Variants in DMXL1 observed in about 807,000 individuals in gnomAD.
The protein encoded by DMXL1 is Dmx like 1.
DMXL1 carries 99 observed loss-of-function variants against 319.2 expected under a neutral mutation model. That is an observed-to-expected ratio of 0.31 (90% CI 0.26 to 0.37). The LOEUF is 0.37. Ranked by LOEUF, DMXL1 falls within the 10% of genes least tolerant of loss-of-function variation. The probability of loss-of-function intolerance (pLI) is 1.00; values close to 1 mark genes in which losing one functional copy is unlikely to be tolerated. For synonymous variants in DMXL1, 1,385 were observed against 1,235.2 expected (o/e 1.12, Z -2.54); for missense variants, 3,745 against 3,595.6 (o/e 1.04, Z -1.06).
At chr5:119,101,469 G>A (rs1387266973) in intron 2 of DMXL1, among the ~76,000 whole-genome samples, 1 of 152,072 alleles carries the variant, frequency 6.6e-6, no homozygotes, top group African/African-American at 2.4e-5. Flanking sequence ...TAAATTCAAA[G>A]GATAAAATAG....
chr5:119,100,400 C>T (rs1756982583), intron 2 of DMXL1, among the ~76,000 whole-genome samples: 1 of 149,856 alleles, frequency 6.7e-6, no homozygotes, highest in South Asian at 2.1e-4. Context: ...CGTGCCACTG[C>T]ATTTCAACCT....
Position 119,149,405 on chromosome 5 carries a change from C to T in DMXL1, c.3578C>T (p.Pro1193Leu). 1.2e-6 allele frequency: 2 copies of T among 1,613,836 alleles called. No individual in the cohort carries two copies. The highest frequency in any genetic ancestry group is 1.7e-6 in the Non-Finnish European group (2 of 1,179,856). ...FPLWESTKVV[P>L]LSKFVLLRSV... is the part of the protein sequence containing the mutation. ...CTCTGGGAGAGTACCAAAGTTGTGC[C>T]CCTTTCTAAATTTGTACTATTACGA... The change falls in exon 18 of 44, where the codon CCC (proline) becomes CTC (leucine). Residue 1193 changes from proline to leucine, a missense_variant. Around this residue, in one of 4 missense-constraint regions of DMXL1, gnomAD observed 2,096 missense variants for 1,985.4 expected, o/e 1.06. Transcript: ENST00000539542.
At position 119,124,462 on chromosome 5, in the gene DMXL1, G is replaced by A. The variant is rs114187418; in HGVS notation, c.1102+3323G>A. ...AAATAAGCAGTCCATCTTAGAATTAGCTCATTAAAGAGGTTGATAGGTCAG... is the reference window on the plus strand; with the variant it reads ...AAATAAGCAGTCCATCTTAGAATTAACTCATTAAAGAGGTTGATAGGTCAG... On this transcript the variant is annotated intron_variant, in intron 9 of 43. Transcript: ENST00000539542. Among the ~76,000 whole-genome samples, 517 of 151,902 alleles carry A rather than the reference G, an allele frequency of 3.4e-3. 3 individuals are homozygous for A. The highest frequency in any genetic ancestry group is 0.012 in the African/African-American group (509 of 41,416).
chr5:119,106,208 G>C (rs1055244306), intron 4 of DMXL1, among the ~76,000 whole-genome samples: 13 of 152,136 alleles, frequency 8.5e-5, no homozygotes, highest in Admixed American at 6.5e-4. Flanking sequence ...CTCTGTAGCA[G>C]GGCAGCCTGG....
intron 31 of DMXL1, among the ~76,000 whole-genome samples, chr5:119,197,506 T>C (rs1340580108): frequency 2.0e-5 from 3 of 152,220 alleles, no homozygotes; most frequent in Non-Finnish European, 2.9e-5. Flanking sequence ...ATTTTTCTGG[T>C]AATATTAAGG....
intron 33 of DMXL1, among the ~76,000 whole-genome samples, chr5:119,203,842 A>T (rs1561868186): frequency 6.6e-6 from 1 of 151,868 alleles, no homozygotes; most frequent in African/African-American, 2.4e-5. Flanking sequence ...TTCTTTGGAG[A>T]TGGAGTCTTG....
chr5:119,184,079 G>T (rs1257598086), intron 28 of DMXL1, among the ~76,000 whole-genome samples: 1 of 129,442 alleles, frequency 7.7e-6, no homozygotes, highest in Non-Finnish European at 1.5e-5. Context: ...TTTGAGACAG[G>T]GTCTTGCTCT....
Position 119,150,418 on chromosome 5 carries a change from C to G in DMXL1, c.4591C>G (p.Gln1531Glu). ...TATTGGAGAAAGCCGAGACAGAAGC[C>G]AAGGTAAAACTAAACTCCGTACTGA... ...TDIGESRDRSQGGETLDECGL... is the reference protein window; with the variant it reads ...TDIGESRDRSEGGETLDECGL... Residue 1531 changes from glutamine (Q) to glutamate (E), a missense_variant, in exon 18 of 44, where the codon CAA (glutamine) becomes GAA (glutamate). By Grantham distance (29) the Gln-to-Glu change is conservative. Coordinates refer to ENST00000539542, the MANE Select transcript of DMXL1 (RefSeq NM_001290321.3). The G allele has an allele frequency of 6.2e-7, 1 of 1,607,712 alleles. No individual in the cohort carries two copies. Among genetic ancestry groups the G allele is most frequent in the South Asian group, 1.1e-5 (1 of 90,142 alleles).
At position 119,216,947 on chromosome 5, in the gene DMXL1, A is replaced by C. The variant is rs1440369258; in HGVS notation, c.7973A>C (p.His2658Pro). 1 of 1,602,278 alleles carries C rather than the reference A, an allele frequency of 6.2e-7. No homozygotes were observed. Among genetic ancestry groups the C allele is most frequent in the Non-Finnish European group, 8.5e-7 (1 of 1,174,610 alleles). ...CCTGGAGGTAAAGCAAGAATTATTC[A>C]TAAGGAATCTGATATCATTACTGCG... is the stretch of plus-strand genomic sequence containing the variant. ...GYPGGKARIIHKESDIITAFA... is the reference protein window; with the variant it reads ...GYPGGKARIIPKESDIITAFA... Residue 2658 changes from histidine (H) to proline (P), a missense_variant, in exon 35 of 44, where the codon CAT (histidine) becomes CCT (proline). His to Pro is a moderately conservative substitution (Grantham distance 77). Around this residue, in one of 4 missense-constraint regions of DMXL1, gnomAD observed 1,382 missense variants for 1,269.5 expected, o/e 1.09. Transcript: ENST00000539542.
rs1348121780 is a variant in DMXL1 at position 119,171,374 on chromosome 5, T to C, written c.6489+94T>C. Reference sequence around the variant, plus strand: ...TTTGAATACTAAGACTTGATTTTCTTTATTACGGTTGCTTTAGGGAAAGCT... The same window carrying C: ...TTTGAATACTAAGACTTGATTTTCTCTATTACGGTTGCTTTAGGGAAAGCT... On this transcript the variant is annotated intron_variant, in intron 24 of 43. Coordinates refer to ENST00000539542, the MANE Select transcript of DMXL1 (RefSeq NM_001290321.3). 4 of 1,283,354 alleles carry C rather than the reference T, an allele frequency of 3.1e-6. No homozygotes were observed. In the East Asian group the frequency reaches 7.1e-5, roughly 23 times the overall value. The allele number at this position is 1,283,354 out of a possible 1,614,324, so 79.5% of individuals were successfully genotyped here.
intron 7 of DMXL1, 83 bp from the exon 8 acceptor site, chr5:119,118,732 A>G: frequency 9.5e-7 from 1 of 1,051,900 alleles, no homozygotes; most frequent in Non-Finnish European, 1.4e-6. Flanking sequence ...TGGTACATTT[A>G]AGTAATTACA....
intron 13 of DMXL1, among the ~76,000 whole-genome samples, chr5:119,143,500 A>T (rs749904894): frequency 6.6e-6 from 1 of 152,034 alleles, no homozygotes; most frequent in Non-Finnish European, 1.5e-5. Flanking sequence ...CTTTAGCTCT[A>T]TCCTTCCTAT....
chr5:119,246,636 T>C (rs533744621), intron 43 of DMXL1, among the ~76,000 whole-genome samples: 2 of 139,256 alleles, frequency 1.4e-5, no homozygotes, highest in African/African-American at 5.9e-5. Context: ...TTTCCTTTTT[T>C]TTTTTTTTTT....
At chr5:119,143,980 G>C in intron 14 of DMXL1, 50 bp downstream of exon 14, 2 of 1,166,884 alleles carry the variant, frequency 1.7e-6, no homozygotes, top group East Asian at 2.5e-5. Context: ...GTTTATGAAA[G>C]CATTTTGCAT....
At chr5:119,126,256 C>T (rs1025366308) in intron 9 of DMXL1, among the ~76,000 whole-genome samples, 1 of 152,256 alleles carries the variant, frequency 6.6e-6, no homozygotes, top group South Asian at 2.1e-4. Context: ...GCCCTCCACC[C>T]TGGGCAGCAA....
At chr5:119,234,846 T>A (rs1787436332) in intron 39 of DMXL1, among the ~76,000 whole-genome samples, 1 of 152,158 alleles carries the variant, frequency 6.6e-6, no homozygotes. Flanking sequence ...TATTATTTTT[T>A]TCAAGAACCC....
chr5:119,219,674 C>T (rs980777691), intron 35 of DMXL1, among the ~76,000 whole-genome samples: 1 of 151,962 alleles, frequency 6.6e-6, no homozygotes, highest in Non-Finnish European at 1.5e-5. Flanking sequence ...CTCAAGCAAT[C>T]GTTTCACCTC....
At chr5:119,171,399 T>C (rs560498557) in intron 24 of DMXL1, 119 bp downstream of exon 24, 4 of 1,036,494 alleles carry the variant, frequency 3.9e-6, no homozygotes, top group South Asian at 1.7e-5. Flanking sequence ...TAGGGAAAGC[T>C]CCCTTTTGTG....
intron 32 of DMXL1, among the ~76,000 whole-genome samples, chr5:119,202,899 ATATATATT>A (rs1357363006): frequency 1.4e-5 from 2 of 144,676 alleles, no homozygotes; most frequent in African/African-American, 5.0e-5. Flanking sequence ...ATATATATAT[ATATATATT>A]TATATATTTT....
Sources: allele counts gnomAD v4.1 joint callset (sites outside exome capture counted in the v4.1 genomes callset), GRCh38; gene constraint gnomAD v4.1.1; regional missense constraint gnomAD v4.1.1; transcripts MANE v1.5; gene names NCBI Gene and HGNC (gene_info 2026-07-23, HGNC 2026-07-21).